ZNF385D: variants seen among roughly 807,000 people sequenced by gnomAD.
ZNF385D encodes zinc finger protein 385D.
In ZNF385D, 15 loss-of-function variants were observed where a neutral mutation model predicts 35.8. The ratio of observed to expected loss-of-function variants is 0.42; its 90% CI spans 0.28 to 0.64. The LOEUF (loss-of-function observed/expected upper bound fraction) is 0.64. Among genes scored for constraint, ZNF385D ranks in the 30% least tolerant of loss-of-function variants. The pLI is 0.23. For synonymous variants in ZNF385D, 212 were observed against 186.8 expected (o/e 1.13, Z -1.10); for missense variants, 474 against 494.6 (o/e 0.96, Z 0.39).
intron 3 of ZNF385D, among the ~76,000 whole-genome samples, chr3:21,761,497 A>G (rs1404890604): frequency 6.6e-6 from 1 of 152,258 alleles, no homozygotes; most frequent in Non-Finnish European, 1.5e-5. Flanking sequence ...GGAAGCCTGT[A>G]TCCCATTTGG....
chr3:22,020,234 CAT>C (rs1314254146), intron 3 of ZNF385D, among the ~76,000 whole-genome samples: 3 of 151,762 alleles, frequency 2.0e-5, no homozygotes, highest in Admixed American at 2.0e-4. Flanking sequence ...GAGTTATAAA[CAT>C]AACAAGAATA....
chr3:22,264,197 T>G (rs2638158), intron 2 of ZNF385D, among the ~76,000 whole-genome samples: 151,207 of 152,146 alleles, frequency 0.99, 75,139 homozygotes, highest in East Asian at 1. Context: ...AGAAATTCAG[T>G]AAGTATGTGA....
At chr3:22,338,295 C>G (rs563934155) in intron 2 of ZNF385D, among the ~76,000 whole-genome samples, 1 of 152,184 alleles carries the variant, frequency 6.6e-6, no homozygotes, top group African/African-American at 2.4e-5. Context: ...TATTTTCTGA[C>G]AAAGATTTTG....
intron 2 of ZNF385D, among the ~76,000 whole-genome samples, chr3:22,272,046 T>C (rs1198616073): frequency 6.6e-6 from 1 of 151,972 alleles, no homozygotes; most frequent in Non-Finnish European, 1.5e-5. Context: ...TTGGATAATG[T>C]GTTTTGTGTT....
chr3:21,465,822 C>T lies in ZNF385D; in HGVS notation c.440-28619G>A, dbSNP rs574992588. On this transcript the variant is annotated intron_variant, in intron 4 of 7. Coordinates refer to ENST00000281523, the MANE Select transcript of ZNF385D (RefSeq NM_024697.3). The surrounding 1 kb of genome is among the most constrained non-coding windows in gnomAD (Gnocchi z 4.2). ...TAGGTGTTAGGATTTGGCAAATAGT[C>T]AGATGCCCTTCCTGCAGGCTGACCC... 6.6e-5 allele frequency among the ~76,000 whole-genome samples: 10 copies of T among 152,286 alleles called. No individual in the cohort carries two copies. In the East Asian group the frequency reaches 1.9e-3, roughly 29 times the overall value.
At chr3:22,161,624 A>T (rs1446171499) in intron 3 of ZNF385D, among the ~76,000 whole-genome samples, 1 of 152,124 alleles carries the variant, frequency 6.6e-6, no homozygotes, top group Non-Finnish European at 1.5e-5. Context: ...TCACATCTTC[A>T]AAAAAGTATG....
At chr3:22,335,060 T>G (rs1254757660) in intron 2 of ZNF385D, among the ~76,000 whole-genome samples, 1 of 152,146 alleles carries the variant, frequency 6.6e-6, no homozygotes, top group Non-Finnish European at 1.5e-5. Flanking sequence ...CAGAAATAAA[T>G]GGAACAAATT....
chr3:21,714,924 C>A (rs922210962), intron 1 of ZNF385D, among the ~76,000 whole-genome samples: 3 of 152,098 alleles, frequency 2.0e-5, no homozygotes, highest in African/African-American at 7.2e-5. Context: ...ACGTATACAT[C>A]ATCTCACATA....
At chr3:21,836,353 C>T (rs968836692) in intron 3 of ZNF385D, among the ~76,000 whole-genome samples, 6 of 152,080 alleles carry the variant, frequency 3.9e-5, no homozygotes, top group Non-Finnish European at 7.4e-5. Flanking sequence ...TCATCTCTTA[C>T]CCTAAGCAAA....
At chr3:21,635,857 G>C (rs978867022) in intron 2 of ZNF385D, among the ~76,000 whole-genome samples, 2 of 152,038 alleles carry the variant, frequency 1.3e-5, no homozygotes, top group Non-Finnish European at 2.9e-5. Flanking sequence ...ATAGTCTCCA[G>C]TTCCATCCAC....
intron 2 of ZNF385D, among the ~76,000 whole-genome samples, chr3:22,263,566 G>C (rs1037062397): frequency 1.3e-5 from 2 of 151,952 alleles, no homozygotes; most frequent in Non-Finnish European, 2.9e-5. Flanking sequence ...AAACATGTGA[G>C]TCCTACAAGG....
intron 1 of ZNF385D, among the ~76,000 whole-genome samples, chr3:21,741,959 A>G (rs1270642056): frequency 6.6e-6 from 1 of 152,228 alleles, no homozygotes; most frequent in Non-Finnish European, 1.5e-5. Context: ...ACAAGAGGCT[A>G]TTTGATGAAG....
intron 2 of ZNF385D, among the ~76,000 whole-genome samples, chr3:22,249,371 A>G (rs1218997289): frequency 6.6e-6 from 1 of 152,174 alleles, no homozygotes; most frequent in Non-Finnish European, 1.5e-5. Context: ...TTTTTGTTAC[A>G]CGGTTCATCA....
chr3:21,966,497 A>G (rs956399148), intron 3 of ZNF385D, among the ~76,000 whole-genome samples: 3 of 152,210 alleles, frequency 2.0e-5, no homozygotes, highest in African/African-American at 7.2e-5. Context: ...ATAATCAGAA[A>G]TTGTTCACTG....
At chr3:21,595,234 A>G (rs926519167) in intron 2 of ZNF385D, among the ~76,000 whole-genome samples, 1 of 152,078 alleles carries the variant, frequency 6.6e-6, no homozygotes, top group Non-Finnish European at 1.5e-5. Context: ...ATAAATGCCT[A>G]TAGTGGAGTC....
chr3:22,265,699 G>A (rs942513382), intron 2 of ZNF385D, among the ~76,000 whole-genome samples: 1 of 151,824 alleles, frequency 6.6e-6, no homozygotes, highest in African/African-American at 2.4e-5. Context: ...AGAAAAGACT[G>A]GCTTGAATAT....
intron 2 of ZNF385D, among the ~76,000 whole-genome samples, chr3:21,585,687 A>G (rs372734529): frequency 5.3e-5 from 8 of 152,050 alleles, no homozygotes; most frequent in African/African-American, 1.9e-4. Context: ...ATTTCAAACT[A>G]CTCCAAAACA....
intron 3 of ZNF385D, among the ~76,000 whole-genome samples, chr3:22,084,347 A>T (rs1700916830): frequency 6.6e-6 from 1 of 152,228 alleles, no homozygotes; most frequent in Admixed American, 6.5e-5. Context: ...TCATGTGCAG[A>T]GACACATACA....
chr3:21,974,996 A>G (rs1312610561), intron 3 of ZNF385D, among the ~76,000 whole-genome samples: 2 of 152,222 alleles, frequency 1.3e-5, no homozygotes, highest in Non-Finnish European at 2.9e-5. Flanking sequence ...ACCACTATAA[A>G]GAACAGTTTG....
Sources: gnomAD v4.1 joint callset for allele counts (sites outside exome capture counted in the v4.1 genomes callset) on GRCh38, gnomAD v4.1.1 for gene constraint, Gnocchi (gnomAD v3.1) non-coding constraint, MANE v1.5 for transcripts, NCBI Gene and HGNC (gene_info 2026-07-23, HGNC 2026-07-21) for gene names.